Variants in NRK observed in about 807,000 individuals in gnomAD.
The protein encoded by NRK is nik-related protein kinase.
A neutral mutation model predicts 125.2 loss-of-function variants in NRK; 67 were observed. The ratio of observed to expected loss-of-function variants is 0.54; its 90% CI spans 0.44 to 0.66. The LOEUF (loss-of-function observed/expected upper bound fraction) is 0.66. Among genes scored for constraint, NRK ranks in the 30% least tolerant of loss-of-function variants. The probability of loss-of-function intolerance (pLI) is 0.00; values close to 1 mark genes in which losing one functional copy is unlikely to be tolerated. For synonymous variants in NRK, 458 were observed against 429.0 expected (o/e 1.07, Z -0.84); for missense variants, 1,224 against 1,192.9 (o/e 1.03, Z -0.38).
At chrX:105,821,812 G>C (rs1048445377), upstream of NRK, among the ~76,000 whole-genome samples, 2 of 111,784 alleles carry the variant, frequency 1.8e-5, no homozygotes, top group African/African-American at 6.5e-5. Flanking sequence ...GCGCACCTGA[G>C]AACAGGTGCT....
At position 105,831,032 on chromosome X, in the gene NRK, TTTTTA is replaced by T. The variant is rs749030184; in HGVS notation, c.58-16_58-12del. ...CCTAATTTCCTAAGAAGATTAACAA[TTTTTA>T]TTTTACTTTTTTGCAGGATCCAACT... On this transcript the variant is annotated splice_polypyrimidine_tract_variant and intron_variant, in intron 1 of 28. Transcript: ENST00000243300. The T allele has an allele frequency of 5.8e-6, 6 of 1,039,056 alleles. No individual in the cohort carries two copies. The highest frequency in any genetic ancestry group is 5.4e-6 in the Non-Finnish European group (4 of 746,086). 85.6% of individuals were successfully genotyped at this position (1,039,056 alleles called of 1,213,427 possible).
At chrX:105,890,934 TGGGG>T (rs1317110353) in intron 5 of NRK, among the ~76,000 whole-genome samples, 1 of 111,290 alleles carries the variant, frequency 9.0e-6, no homozygotes, top group Non-Finnish European at 1.9e-5. Context: ...ACTGGTGGGA[TGGGG>T]GAGGACTCAA....
At chrX:105,954,593 T>C (rs769061939) in intron 28 of NRK, among the ~76,000 whole-genome samples, 2 of 110,892 alleles carry the variant, frequency 1.8e-5, no homozygotes, top group Non-Finnish European at 3.8e-5. Context: ...CACTGTAAGC[T>C]CACAGTATCA....
Position 105,957,196 on chromosome X carries a change from A to G in NRK, c.*1596A>G, listed in dbSNP as rs1310163263. 8.9e-6 allele frequency: 1 copy of G among 112,364 alleles called. No homozygotes were observed. The highest frequency in any genetic ancestry group is 3.2e-5 in the African/African-American group (1 of 30,900). 9.3% of individuals were successfully genotyped at this position (112,364 alleles called of 1,213,427 possible). On this transcript the variant is annotated 3_prime_UTR_variant, in exon 29 of 29. Coordinates refer to ENST00000243300, the MANE Select transcript of NRK (RefSeq NM_198465.4). ...AATAAATGTGACTCACATTTCTTTT[A>G]CTGTGACACAATAATGTGATCCTAA...
chrX:105,828,921 CTG>C (rs2039150405), intron 1 of NRK, among the ~76,000 whole-genome samples: 2 of 111,959 alleles, frequency 1.8e-5, no homozygotes, highest in Admixed American at 1.9e-4. Context: ...GAAATGATAA[CTG>C]TGTATTGTGA....
chrX:105,940,348 C>T (rs1262924186), intron 23 of NRK, among the ~76,000 whole-genome samples: 1 of 110,416 alleles, frequency 9.1e-6, no homozygotes, highest in African/African-American at 3.3e-5. Context: ...TTCCCAGTCA[C>T]CCCGAATATT....
chrX:105,865,618 G>T (rs1245243074), intron 2 of NRK, among the ~76,000 whole-genome samples: 2 of 111,246 alleles, frequency 1.8e-5, no homozygotes, highest in Non-Finnish European at 3.8e-5. Context: ...AAAGGCTGCT[G>T]AGCTGCTATT....
chrX:105,826,271 A>AG (rs2039102078), intron 1 of NRK, among the ~76,000 whole-genome samples: 1 of 68,178 alleles, frequency 1.5e-5, no homozygotes, highest in Non-Finnish European at 2.4e-5. Context: ...TTTCATATAT[A>AG]ATATATATGA....
chrX:105,931,561 C>T (rs192724680), intron 19 of NRK, among the ~76,000 whole-genome samples: 218 of 110,747 alleles, frequency 2.0e-3, no homozygotes, highest in Admixed American at 3.0e-3. Context: ...GAATTTATTC[C>T]GGGCTCTGAG....
rs763408963 is a variant in NRK, at chrX:105,824,444, G to T, written c.57+1542G>T. On this transcript the variant is annotated intron_variant, in intron 1 of 28. Transcript: ENST00000243300. ...CATTCTCTGCCTATGATTGGGAAAAGAGAAAAAAAGCAAACTAGGGCAGAT... is the reference window on the plus strand; with the variant it reads ...CATTCTCTGCCTATGATTGGGAAAATAGAAAAAAAGCAAACTAGGGCAGAT... Among the ~76,000 whole-genome samples, 5 of 110,746 alleles carry T rather than the reference G, an allele frequency of 4.5e-5. No individual in the cohort carries two copies. In the South Asian group the frequency reaches 1.9e-3, roughly 43 times the overall value.
chrX:105,852,562 A>AT (rs1602609025), intron 2 of NRK, among the ~76,000 whole-genome samples: 2 of 110,979 alleles, frequency 1.8e-5, no homozygotes, highest in Admixed American at 9.6e-5. Flanking sequence ...CTTGGCCTTC[A>AT]TTTTTTTTCT....
chrX:105,909,329 A>G lies in NRK; in HGVS notation c.1688A>G (p.Glu563Gly). The change falls in exon 13 of 29, where the codon GAA (glutamate) becomes GGA (glycine). Residue 563 changes from glutamate to glycine, a missense_variant. Transcript: ENST00000243300. ...GCACCTGAACAGCCAGAGGTACAGG[A>G]ACAGGCTGCCGAGCCTGCACAGGCA... Reference protein sequence around the residue: ...NQAPEQPEVQEQAAEPAQAET... With the variant: ...NQAPEQPEVQGQAAEPAQAET... 5 of 1,205,858 alleles carry G rather than the reference A, an allele frequency of 4.1e-6. No homozygotes were observed. The highest frequency in any genetic ancestry group is 5.6e-6 in the Non-Finnish European group (5 of 891,765).
intron 5 of NRK, among the ~76,000 whole-genome samples, chrX:105,891,682 A>T (rs1195227731): frequency 4.5e-5 from 5 of 111,494 alleles, no homozygotes; most frequent in Non-Finnish European, 9.4e-5. Flanking sequence ...TTTCTGATTC[A>T]GTAGATTTGG....
At chrX:105,937,607 T>A in intron 22 of NRK, 25 bp downstream of exon 22, 1 of 1,118,560 alleles carries the variant, frequency 8.9e-7, no homozygotes, top group African/African-American at 1.8e-5. Flanking sequence ...TAAAATTAGC[T>A]GAGTAATTAT....
intron 13 of NRK, 37 bp downstream of exon 13, chrX:105,909,919 T>G (rs1195104250): frequency 1.9e-6 from 2 of 1,065,847 alleles, no homozygotes; most frequent in African/African-American, 3.8e-5. Context: ...GAGTCAAAAA[T>G]GAAGAGAAAA....
At chrX:105,860,602 A>C (rs1421387835) in intron 2 of NRK, among the ~76,000 whole-genome samples, 1 of 110,260 alleles carries the variant, frequency 9.1e-6, no homozygotes, top group Non-Finnish European at 1.9e-5. Flanking sequence ...CCATTAATTT[A>C]TTCTATGGCA....
intron 2 of NRK, among the ~76,000 whole-genome samples, chrX:105,874,841 A>C (rs1303048104): frequency 1.8e-5 from 2 of 111,979 alleles, no homozygotes; most frequent in African/African-American, 6.5e-5. Context: ...TAAGTTAATT[A>C]ATTAAGAACA....
chrX:105,901,554 A>G (rs2040157358), intron 9 of NRK, among the ~76,000 whole-genome samples: 2 of 111,601 alleles, frequency 1.8e-5, no homozygotes, highest in South Asian at 7.6e-4. Flanking sequence ...TATCTGCAAA[A>G]TGTCCACCCA....
At chrX:105,940,419 A>G (rs1450662338) in intron 23 of NRK, among the ~76,000 whole-genome samples, 1 of 109,732 alleles carries the variant, frequency 9.1e-6, no homozygotes. Context: ...AATGGTCTTG[A>G]TTTATCTTCA....
Sources: gnomAD v4.1 joint callset for allele counts (sites outside exome capture counted in the v4.1 genomes callset) on GRCh38, gnomAD v4.1.1 for gene constraint, MANE v1.5 for transcripts, NCBI Gene and HGNC (gene_info 2026-07-23, HGNC 2026-07-21) for gene names.